Variants in TUT4 observed in about 807,000 individuals in gnomAD.
The protein encoded by TUT4 is terminal uridylyltransferase 4.
TUT4 carries 36 observed loss-of-function variants against 192.2 expected under a neutral mutation model. The observed-to-expected ratio is 0.19, with a 90% confidence interval of 0.14 to 0.25. TUT4 has a LOEUF of 0.25. Ranked by LOEUF, TUT4 falls within the 10% of genes least tolerant of loss-of-function variation. The pLI, the probability that TUT4 is intolerant of heterozygous loss-of-function variation, is 1.00. For missense variants in TUT4, 1,493 were observed against 1,957.2 expected, an observed-to-expected ratio of 0.76 and a Z score of 4.47; for synonymous variants, 618 against 666.0, an observed-to-expected ratio of 0.93 and a Z score of 1.11.
At chr1:52,443,968 T>C (rs1656542492) in intron 24 of TUT4, among the ~76,000 whole-genome samples, 1 of 152,216 alleles carries the variant, frequency 6.6e-6, no homozygotes, top group South Asian at 2.1e-4. Context: ...CCAAATGCGG[T>C]GGCTCATGCC....
At chr1:52,532,606 C>T (rs1292199757) in intron 1 of TUT4, among the ~76,000 whole-genome samples, 1 of 152,126 alleles carries the variant, frequency 6.6e-6, no homozygotes, top group Non-Finnish European at 1.5e-5. Flanking sequence ...CTACCATGCC[C>T]GGCCTTACCT....
rs762101630 is a variant in TUT4, at chr1:52,481,678, T to A, written c.1636-43A>T. 647 of 1,304,792 alleles carry A rather than the reference T, an allele frequency of 5.0e-4. No homozygotes were observed. Among genetic ancestry groups the A allele is most frequent in the Middle Eastern group, 1.3e-3 (6 of 4,788 alleles). 80.8% of individuals were successfully genotyped at this position (1,304,792 alleles called of 1,614,324 possible). On this transcript the variant is annotated intron_variant, in intron 10 of 29. Coordinates refer to ENST00000257177, the MANE Select transcript of TUT4 (RefSeq NM_001009881.3). ...CCAAATTGGTAGTGGAAAAATTATT[T>A]AAAAAAAAAAAAAAAGATGGACAAA...
Position 52,526,114 on chromosome 1 carries a change from T to C in TUT4, c.167A>G (p.Lys56Arg). The part of the protein sequence containing the change: ...ENSSPNRNSS[K>R]KNKQNDICIE... ...ACAAATATCATTTTGCTTATTTTTT[T>C]TACTACTATTCCTATTTGGAGAGCT... is the stretch of plus-strand genomic sequence containing the variant. Residue 56 changes from lysine to arginine, a missense_variant, in exon 2 of 30, where the codon AAA becomes AGA. Coordinates refer to ENST00000257177, the MANE Select transcript of TUT4 (RefSeq NM_001009881.3). The C allele has an allele frequency of 6.2e-7, 1 of 1,608,608 alleles. No individual in the cohort carries two copies. Among genetic ancestry groups the C allele is most frequent in the Non-Finnish European group, 8.5e-7 (1 of 1,178,774 alleles).
In TUT4 at chr1:52,423,690, T is replaced by C. The variant is rs959001302; in HGVS notation, c.*245A>G. On this transcript the variant is annotated 3_prime_UTR_variant, in exon 30 of 30. Transcript: ENST00000257177. ...AAATTTGTATCACTCAATTTGGTGA[T>C]ACTAGTAAAAACTATAGTTCATATT... 2.6e-6 allele frequency: 2 copies of C among 766,500 alleles called. No individual in the cohort carries two copies. Among genetic ancestry groups the C allele is most frequent in the East Asian group, 3.4e-5 (1 of 29,744 alleles). The allele number at this position is 766,500 out of a possible 1,614,324, so 47.5% of individuals were successfully genotyped here. A position where few individuals can be genotyped will look rare whatever the true frequency, so the allele number is the denominator to read the frequency against.
chr1:52,513,561 T>C (rs1440745549), intron 3 of TUT4, among the ~76,000 whole-genome samples: 1 of 151,986 alleles, frequency 6.6e-6, no homozygotes, highest in Non-Finnish European at 1.5e-5. Flanking sequence ...ACTGGCACAG[T>C]AACTTTACAT....
At chr1:52,453,388 A>C (rs547110030) in intron 20 of TUT4, among the ~76,000 whole-genome samples, 43 of 152,176 alleles carry the variant, frequency 2.8e-4, no homozygotes, top group African/African-American at 1.0e-3. Context: ...GTCTCAAAAA[A>C]AAAAAAGAAA....
In TUT4 at chr1:52,425,506, C is replaced by T; in HGVS notation, c.4713G>A (p.Glu1571=). Residue 1571 remains glutamate (E), a splice_region_variant and synonymous_variant, in exon 29 of 30, where the codon GAG becomes GAA. Coordinates refer to ENST00000257177, the MANE Select transcript of TUT4 (RefSeq NM_001009881.3). Reference sequence around the variant, plus strand: ...GAGGAGTCAGTCCTCGAAAGCCTGGCTCTGCATTTCAACAAGAGGGAAAAA... The same window carrying T: ...GAGGAGTCAGTCCTCGAAAGCCTGGTTCTGCATTTCAACAAGAGGGAAAAA... ...LVNSGAVGNS[E]PGFRGLTPPI... The T allele has an allele frequency of 1.3e-5, 21 of 1,606,644 alleles. No homozygotes were observed. Among genetic ancestry groups the T allele is most frequent in the Non-Finnish European group, 1.8e-5 (21 of 1,177,116 alleles).
chr1:52,518,179 G>GA, intron 2 of TUT4, among the ~76,000 whole-genome samples: 1 of 152,246 alleles, frequency 6.6e-6, no homozygotes, highest in South Asian at 2.1e-4. Flanking sequence ...GCCAAAGATG[G>GA]AAACAATCCA....
intron 1 of TUT4, among the ~76,000 whole-genome samples, chr1:52,541,555 C>T (rs1686688850): frequency 6.6e-6 from 1 of 151,520 alleles, no homozygotes; most frequent in African/African-American, 2.4e-5. Context: ...AAAGAAACTC[C>T]TACATCATAT....
In TUT4 at chr1:52,489,061, C is replaced by T. The variant is rs759333765; in HGVS notation, c.1389-26G>A. On this transcript the variant is annotated intron_variant, in intron 8 of 29. Coordinates refer to ENST00000257177, the MANE Select transcript of TUT4 (RefSeq NM_001009881.3). ...CTGTGAATGAGAAAGAAACAAATTT[C>T]ATTGTATTAATACCCTTAAAAGCAG... The T allele has an allele frequency of 1.2e-5, 19 of 1,601,218 alleles. No homozygotes were observed. In the East Asian group the frequency reaches 4.3e-4, roughly 36 times the overall value.
chr1:52,541,315 T>C (rs1267305754), intron 1 of TUT4, among the ~76,000 whole-genome samples: 1 of 152,030 alleles, frequency 6.6e-6, no homozygotes, highest in Non-Finnish European at 1.5e-5. Flanking sequence ...GTGGATTACC[T>C]GAAGTCAGGA....
At chr1:52,437,077 T>C in intron 25 of TUT4, 99 bp from the exon 26 acceptor site, 1 of 1,465,570 alleles carries the variant, frequency 6.8e-7, no homozygotes, top group South Asian at 1.4e-5. Flanking sequence ...AACATGCCCA[T>C]CATTTCATGC....
At chr1:52,489,628 A>C (rs1223559466) in intron 8 of TUT4, among the ~76,000 whole-genome samples, 1 of 152,216 alleles carries the variant, frequency 6.6e-6, no homozygotes, top group Non-Finnish European at 1.5e-5. Flanking sequence ...ACAGAAGTGT[A>C]GTGAAGATAT....
rs540003823 is a variant in TUT4, at chr1:52,469,648, T to C, written c.2879-1381A>G. ...GCTCACACCTGTAAGCCCAGCACTT[T>C]GGGAGGCTGAGGAGGGTGGATCACA... is the stretch of plus-strand genomic sequence containing the variant. On this transcript the variant is annotated intron_variant, in intron 14 of 29. Transcript: ENST00000257177. 4.3e-3 allele frequency among the ~76,000 whole-genome samples: 651 copies of C among 152,256 alleles called. 1 individual carries two copies. Among genetic ancestry groups the C allele is most frequent in the Non-Finnish European group, 6.3e-3 (428 of 68,022 alleles).
chr1:52,523,095 C>A (rs1680742766), intron 2 of TUT4, among the ~76,000 whole-genome samples: 1 of 140,402 alleles, frequency 7.1e-6, no homozygotes, highest in East Asian at 2.4e-4. Context: ...TTGGTTCAGG[C>A]AATTCTCCTG....
intron 9 of TUT4, among the ~76,000 whole-genome samples, chr1:52,488,499 T>C (rs1670348144): frequency 6.6e-6 from 1 of 152,168 alleles, no homozygotes; most frequent in Admixed American, 6.5e-5. Context: ...TTATCAATGA[T>C]TTAGAGGAAA....
At chr1:52,488,233 A>G (rs906649123) in intron 9 of TUT4, among the ~76,000 whole-genome samples, 2 of 152,190 alleles carry the variant, frequency 1.3e-5, no homozygotes, top group Admixed American at 6.5e-5. Flanking sequence ...TTTTCTTTGT[A>G]TATGACTGAG....
intron 2 of TUT4, among the ~76,000 whole-genome samples, chr1:52,517,388 T>C (rs182934594): frequency 2.6e-5 from 4 of 152,354 alleles, no homozygotes; most frequent in East Asian, 1.9e-4. Context: ...GAAATGCTCA[T>C]AGATCATCAA....
At chr1:52,444,966 T>C (rs1024782817) in intron 24 of TUT4, among the ~76,000 whole-genome samples, 6 of 150,810 alleles carry the variant, frequency 4.0e-5, no homozygotes, top group South Asian at 2.1e-4. Flanking sequence ...TACATGTATA[T>C]ACATGTATAT....
Sources: gnomAD v4.1 joint callset for allele counts (sites outside exome capture counted in the v4.1 genomes callset) on GRCh38, gnomAD v4.1.1 for gene constraint, MANE v1.5 for transcripts, NCBI Gene and HGNC (gene_info 2026-07-23, HGNC 2026-07-21) for gene names.